NCK1: variants seen among roughly 807,000 people sequenced by gnomAD.
NCK1 encodes NCK adaptor protein 1, also known as SH2/SH3 adapter protein NCK1.
NCK1 carries 19 observed loss-of-function variants against 36.6 expected under a neutral mutation model. The observed-to-expected ratio is 0.52, with a 90% CI of 0.36 to 0.76. The LOEUF is 0.76. Among genes scored for constraint, NCK1 ranks in the 30% least tolerant of loss-of-function variants. The pLI is 0.00. For synonymous variants in NCK1, 165 were observed against 156.0 expected, an observed-to-expected ratio of 1.06 and a Z score of -0.43; for missense variants, 358 against 445.6, an observed-to-expected ratio of 0.80 and a Z score of 1.77.
intron 3 of NCK1, among the ~76,000 whole-genome samples, chr3:136,947,976 C>T (rs1393650087): frequency 1.3e-5 from 2 of 151,906 alleles, no homozygotes; most frequent in Non-Finnish European, 2.9e-5. Flanking sequence ...CTGTTGGAGC[C>T]GTGGGTGTTA....
chr3:136,876,435 CA>C (rs1434946153), intron 1 of NCK1, among the ~76,000 whole-genome samples: 2 of 152,050 alleles, frequency 1.3e-5, no homozygotes, highest in African/African-American at 4.8e-5. Flanking sequence ...AGAGAAGAAT[CA>C]AATAGACACA....
chr3:136,864,220 C>T (rs544264173), intron 1 of NCK1, among the ~76,000 whole-genome samples: 2 of 147,914 alleles, frequency 1.4e-5, no homozygotes, highest in Non-Finnish European at 3.0e-5. Context: ...TGGCCGGGCT[C>T]GGTGGCTCAC....
At chr3:136,916,726 T>A (rs977919382) in intron 1 of NCK1, among the ~76,000 whole-genome samples, 5 of 152,200 alleles carry the variant, frequency 3.3e-5, no homozygotes, top group Non-Finnish European at 5.9e-5. Context: ...TTTAGTGTAA[T>A]GAAAAACTTA....
chr3:136,892,295 G>T (rs947951842), intron 1 of NCK1, among the ~76,000 whole-genome samples: 1 of 152,118 alleles, frequency 6.6e-6, no homozygotes, highest in African/African-American at 2.4e-5. Flanking sequence ...CTTTCTGTGG[G>T]TTACCTTTTC....
At chr3:136,922,595 A>T (rs1351323330) in intron 1 of NCK1, among the ~76,000 whole-genome samples, 1 of 152,228 alleles carries the variant, frequency 6.6e-6, no homozygotes, top group Non-Finnish European at 1.5e-5. Flanking sequence ...TGGGAAAAGA[A>T]ATCACTGTAA....
In NCK1 at chr3:136,950,753, C is replaced by G. The variant is rs1353937396; in HGVS notation, c.*2300C>G. ...TTGGTTTTAGACTAGGAGGAGAGTC[C>G]TGGGAAGGGCAATATTACAGAAGTT... On this transcript the variant is annotated 3_prime_UTR_variant, in exon 4 of 4. Coordinates refer to ENST00000481752, the MANE Select transcript of NCK1 (RefSeq NM_001291999.2). 6.6e-6 allele frequency among the ~76,000 whole-genome samples: 1 copy of G among 152,056 alleles called. No individual in the cohort carries two copies. Among genetic ancestry groups the G allele is most frequent in the Non-Finnish European group, 1.5e-5 (1 of 67,984 alleles).
chr3:136,884,824 G>C (rs1426817975), intron 1 of NCK1, among the ~76,000 whole-genome samples: 9 of 151,832 alleles, frequency 5.9e-5, no homozygotes, highest in Non-Finnish European at 1.5e-5. Context: ...GAGTTCAAGG[G>C]ATTCTCCTGC....
chr3:136,945,066 T>C (rs2108151627), intron 2 of NCK1, among the ~76,000 whole-genome samples: 1 of 152,350 alleles, frequency 6.6e-6, no homozygotes, highest in Non-Finnish European at 1.5e-5. Flanking sequence ...TACCTGGGTC[T>C]GGGAACCAAG....
At chr3:136,909,466 A>C (rs968459468) in intron 1 of NCK1, among the ~76,000 whole-genome samples, 2 of 152,200 alleles carry the variant, frequency 1.3e-5, no homozygotes, top group Non-Finnish European at 2.9e-5. Context: ...TGTTTCCTCT[A>C]AGAGCTTGCT....
At chr3:136,862,395 C>T (rs532618014) in intron 1 of NCK1, 42 bp downstream of exon 1, 58 of 152,696 alleles carry the variant, frequency 3.8e-4, no homozygotes, top group African/African-American at 8.7e-4. Context: ...ACACACCCCC[C>T]TTCAGTCCGC....
chr3:136,880,387 C>G (rs1401151851), intron 1 of NCK1, among the ~76,000 whole-genome samples: 8 of 151,972 alleles, frequency 5.3e-5, no homozygotes, highest in African/African-American at 1.9e-4. Context: ...ACCATGACTT[C>G]GGGCCTTTTA....
In NCK1 at chr3:136,940,488, A is replaced by G. The variant is rs190841232; in HGVS notation, c.227-5095A>G. Among the ~76,000 whole-genome samples, 73 of 152,168 alleles carry G rather than the reference A, an allele frequency of 4.8e-4. 2 individuals are homozygous for G. In the East Asian group the frequency reaches 0.013, roughly 27 times the overall value. On this transcript the variant is annotated intron_variant, in intron 2 of 3. Transcript: ENST00000481752. ...ATATTTGTAACTGTTACACTTCTTG[A>G]TGGACTGATTCTTTTATCAATATAT...
At chr3:136,881,602 C>T (rs1439623483) in intron 1 of NCK1, among the ~76,000 whole-genome samples, 1 of 152,166 alleles carries the variant, frequency 6.6e-6, no homozygotes, top group Non-Finnish European at 1.5e-5. Flanking sequence ...TAAGTATATT[C>T]ACATTGTTGT....
At chr3:136,894,069 A>G (rs1470924450) in intron 1 of NCK1, among the ~76,000 whole-genome samples, 1 of 152,178 alleles carries the variant, frequency 6.6e-6, no homozygotes, top group Admixed American at 6.6e-5. Flanking sequence ...CTCATTGTGT[A>G]CAACAGGTCC....
intron 1 of NCK1, among the ~76,000 whole-genome samples, chr3:136,868,112 C>T (rs1384488992): frequency 1.3e-5 from 2 of 151,874 alleles, no homozygotes; most frequent in Non-Finnish European, 1.5e-5. Context: ...AGATGGGTTT[C>T]ACCATGTTGG....
chr3:136,865,929 G>A (rs1560027848), intron 1 of NCK1, among the ~76,000 whole-genome samples: 3 of 152,114 alleles, frequency 2.0e-5, no homozygotes, highest in South Asian at 2.1e-4. Flanking sequence ...ATCTCTATGC[G>A]TGTAACAATA....
intron 1 of NCK1, among the ~76,000 whole-genome samples, chr3:136,888,578 A>G (rs1279625920): frequency 2.0e-5 from 3 of 148,876 alleles, no homozygotes; most frequent in Admixed American, 2.0e-4. Flanking sequence ...AATTTTTTGT[A>G]TTTTTAGTAG....
intron 1 of NCK1, among the ~76,000 whole-genome samples, chr3:136,924,795 A>G (rs1162694259): frequency 6.6e-6 from 1 of 152,204 alleles, no homozygotes; most frequent in Non-Finnish European, 1.5e-5. Context: ...TTGGAACGCT[A>G]AGCTTGTGAG....
chr3:136,888,319 T>A (rs866611814), intron 1 of NCK1, among the ~76,000 whole-genome samples: 12 of 152,220 alleles, frequency 7.9e-5, no homozygotes, highest in Non-Finnish European at 1.3e-4. Flanking sequence ...TGAGATATGA[T>A]TCACATACTA....
Sources: allele counts gnomAD v4.1 joint callset (sites outside exome capture counted in the v4.1 genomes callset), GRCh38; gene constraint gnomAD v4.1.1; transcripts MANE v1.5; gene names NCBI Gene and HGNC (gene_info 2026-07-23, HGNC 2026-07-21).